The following AKAP6 variants were observed in gnomAD, a reference collection of about 807,000 sequenced individuals.
The protein encoded by AKAP6 is A-kinase anchoring protein 6.
AKAP6 carries 58 observed loss-of-function variants against 188.5 expected under a neutral mutation model. That is an observed-to-expected ratio of 0.31 (90% CI 0.25 to 0.38). The LOEUF (loss-of-function observed/expected upper bound fraction) is 0.38. Ranked by LOEUF, AKAP6 falls within the 10% of genes least tolerant of loss-of-function variation. The pLI is 1.00. For missense variants in AKAP6, 2,710 were observed against 2,740.0 expected, an observed-to-expected ratio of 0.99 and a Z score of 0.24; for synonymous variants, 989 against 998.6, an observed-to-expected ratio of 0.99 and a Z score of 0.18.
chr14:32,510,301 A>G (rs181031387), intron 2 of AKAP6, among the ~76,000 whole-genome samples: 31 of 150,880 alleles, frequency 2.1e-4, no homozygotes, highest in Admixed American at 5.3e-4. Context: ...CCACCGAATT[A>G]TTAAAAAGTA....
At chr14:32,717,481 G>T (rs1039805545) in intron 9 of AKAP6, among the ~76,000 whole-genome samples, 1 of 151,832 alleles carries the variant, frequency 6.6e-6, no homozygotes, top group Non-Finnish European at 1.5e-5. Context: ...TTCCTATCTG[G>T]TGAAACCTTT....
At chr14:32,812,992 G>T (rs2034276496) in intron 12 of AKAP6, among the ~76,000 whole-genome samples, 1 of 152,078 alleles carries the variant, frequency 6.6e-6, no homozygotes, top group Non-Finnish European at 1.5e-5. Flanking sequence ...ATCCAACTTT[G>T]ACAGTGTCTA....
At chr14:32,772,634 C>T (rs1287526719) in intron 11 of AKAP6, among the ~76,000 whole-genome samples, 7 of 152,186 alleles carry the variant, frequency 4.6e-5, no homozygotes, top group African/African-American at 1.7e-4. Context: ...CAGCGCACCA[C>T]ACTTAATCAT....
At chr14:32,773,559 C>G in intron 11 of AKAP6, 119 bp from the exon 12 acceptor site, 1 of 946,862 alleles carries the variant, frequency 1.1e-6, no homozygotes, top group East Asian at 2.4e-5. Context: ...TCTTCTTGTC[C>G]TATTGTTGGT....
rs186726907 is a variant in AKAP6 at position 32,725,457 on chromosome 14, T to C, written c.3001-6997T>C. On this transcript the variant is annotated intron_variant, in intron 9 of 13. Coordinates refer to ENST00000280979, the MANE Select transcript of AKAP6 (RefSeq NM_004274.5). ...TTTTAAACAGTTTCATCAGTAACTTTTTTTTCTTTTTCACTATCCTCCTTC... is the reference window on the plus strand; with the variant it reads ...TTTTAAACAGTTTCATCAGTAACTTCTTTTTCTTTTTCACTATCCTCCTTC... Among the ~76,000 whole-genome samples, 8 of 152,362 alleles carry C rather than the reference T, an allele frequency of 5.3e-5. No homozygotes were observed. In the East Asian group the frequency reaches 1.5e-3, roughly 29 times the overall value.
intron 11 of AKAP6, among the ~76,000 whole-genome samples, chr14:32,758,559 C>A (rs1301420539): frequency 6.6e-6 from 1 of 152,076 alleles, no homozygotes; most frequent in Non-Finnish European, 1.5e-5. Flanking sequence ...CATGGAGAAA[C>A]CCCATCTCTA....
chr14:32,797,734 A>G (rs998241160), intron 12 of AKAP6, among the ~76,000 whole-genome samples: 2 of 151,056 alleles, frequency 1.3e-5, no homozygotes, highest in Non-Finnish European at 1.5e-5. Context: ...ATGTTTACCT[A>G]TGTAGCAAAC....
At chr14:32,404,709 T>TATATATATATATATATATATATATAG (rs1421464498) in intron 1 of AKAP6, among the ~76,000 whole-genome samples, 2 of 135,426 alleles carry the variant, frequency 1.5e-5, no homozygotes, top group African/African-American at 2.7e-5. Context: ...TATATATATA[T>TATATATATATATATATATATATATAG]ATTAGTCAGA....
chr14:32,591,759 C>T lies in AKAP6; in HGVS notation c.2470-7651C>T, dbSNP rs575634983. Among the ~76,000 whole-genome samples the T allele has an allele frequency of 7.3e-5, 11 of 150,938 alleles. No homozygotes were observed. In the East Asian group the frequency reaches 2.2e-3, roughly 30 times the overall value. ...TACAGAGTTCTTTTATTTTTTAAAGCTTCTGCTTTTATACCTAGAGGTGTG... is the reference window on the plus strand; with the variant it reads ...TACAGAGTTCTTTTATTTTTTAAAGTTTCTGCTTTTATACCTAGAGGTGTG... On this transcript the variant is annotated intron_variant, in intron 5 of 13. Transcript: ENST00000280979.
At chr14:32,361,706 C>G (rs1297396607) in intron 1 of AKAP6, among the ~76,000 whole-genome samples, 1 of 152,128 alleles carries the variant, frequency 6.6e-6, no homozygotes, top group Non-Finnish European at 1.5e-5. Context: ...TTATAAGGCT[C>G]AATCCCAACA....
At chr14:32,813,723 G>A (rs1177524510) in intron 12 of AKAP6, among the ~76,000 whole-genome samples, 1 of 152,120 alleles carries the variant, frequency 6.6e-6, no homozygotes, top group Non-Finnish European at 1.5e-5. Context: ...GTTACAGTAA[G>A]AAAGGGAAGA....
intron 2 of AKAP6, among the ~76,000 whole-genome samples, chr14:32,467,746 GA>G (rs1332797408): frequency 1.3e-5 from 2 of 152,042 alleles, no homozygotes; most frequent in Non-Finnish European, 2.9e-5. Context: ...AGAATCCCAA[GA>G]AGTTGGTCTG....
At position 32,835,680 on chromosome 14, in the gene AKAP6, A is replaced by C. The variant is rs1421431804; in HGVS notation, c.*5875A>C. 1 of 152,240 alleles carries C rather than the reference A, an allele frequency of 6.6e-6. No homozygotes were observed. Among genetic ancestry groups the C allele is most frequent in the Admixed American group, 6.5e-5 (1 of 15,282 alleles). The allele number at this position is 152,240 out of a possible 1,614,324, so 9.4% of individuals were successfully genotyped here. On this transcript the variant is annotated 3_prime_UTR_variant, in exon 14 of 14. Transcript: ENST00000280979. Reference sequence around the variant, plus strand: ...CAACTGCTGAATTTACCAAGGAATTAAGTATTCACCACAAACCCTGGTGTG... The same window carrying C: ...CAACTGCTGAATTTACCAAGGAATTCAGTATTCACCACAAACCCTGGTGTG...
At chr14:32,775,319 C>A (rs888836891) in intron 12 of AKAP6, among the ~76,000 whole-genome samples, 1 of 151,980 alleles carries the variant, frequency 6.6e-6, no homozygotes, top group Non-Finnish European at 1.5e-5. Flanking sequence ...ATTTTTGAAG[C>A]ATTCAAACTG....
chr14:32,416,943 C>A (rs28588880), intron 1 of AKAP6, among the ~76,000 whole-genome samples: 1 of 152,110 alleles, frequency 6.6e-6, no homozygotes, highest in Non-Finnish European at 1.5e-5. Flanking sequence ...TGGGTTCAAC[C>A]GACTCTCATG....
intron 9 of AKAP6, among the ~76,000 whole-genome samples, chr14:32,716,667 A>ATCTG (rs1368717339): frequency 6.8e-6 from 1 of 146,254 alleles, no homozygotes; most frequent in Non-Finnish European, 1.5e-5. Flanking sequence ...GGTATACATT[A>ATCTG]TCTATCTATC....
At chr14:32,702,523 C>T (rs1890655036) in intron 9 of AKAP6, among the ~76,000 whole-genome samples, 1 of 150,778 alleles carries the variant, frequency 6.6e-6, no homozygotes, top group African/African-American at 2.4e-5. Context: ...ATGCTGGAGC[C>T]TGTAATTCCT....
chr14:32,575,810 T>C (rs1168946703), intron 4 of AKAP6, among the ~76,000 whole-genome samples: 1 of 152,142 alleles, frequency 6.6e-6, no homozygotes. Context: ...GATGATAGAC[T>C]GAGCTCTATC....
intron 1 of AKAP6, among the ~76,000 whole-genome samples, chr14:32,382,978 C>G (rs1368597474): frequency 6.6e-6 from 1 of 152,030 alleles, no homozygotes; most frequent in Non-Finnish European, 1.5e-5. Flanking sequence ...TCCTATATCA[C>G]CAGAGCCCTA....
Sources: allele counts gnomAD v4.1 joint callset (sites outside exome capture counted in the v4.1 genomes callset), GRCh38; gene constraint gnomAD v4.1.1; transcripts MANE v1.5; gene names NCBI Gene and HGNC (gene_info 2026-07-23, HGNC 2026-07-21).